The following KLB variants were observed in gnomAD, a reference collection of about 807,000 sequenced individuals.
The protein encoded by KLB is klotho beta.
A neutral mutation model predicts 88.4 loss-of-function variants in KLB; 44 were observed. The observed-to-expected ratio is 0.50, with a 90% CI of 0.39 to 0.64. The LOEUF is 0.64. KLB is among the 30% of genes least tolerant of loss of function. The pLI, the probability that KLB is intolerant of heterozygous loss-of-function variation, is 0.00. For missense variants in KLB, 1,137 were observed against 1,304.8 expected (o/e 0.87, Z 1.98); for synonymous variants, 548 against 513.4 (o/e 1.07, Z -0.91).
Position 39,450,535 on chromosome 4 carries a change from A to G in KLB, c.*1849A>G, listed in dbSNP as rs554780500. The stretch of plus-strand genomic sequence containing the variant: ...TGGCCTGGCAAATGGGAACAGTAAA[A>G]TTCTGCTTTACTCTTCTCTAGTCTC... On this transcript the variant is annotated 3_prime_UTR_variant, in exon 5 of 5. Transcript: ENST00000257408. 6.6e-6 allele frequency: 1 copy of G among 152,188 alleles called. No individual in the cohort carries two copies. Among genetic ancestry groups the G allele is most frequent in the Non-Finnish European group, 1.5e-5 (1 of 68,036 alleles). The allele number at this position is 152,188 out of a possible 1,614,324, so 9.4% of individuals were successfully genotyped here.
intron 2 of KLB, 147 bp downstream of exon 2, chr4:39,434,867 C>A: frequency 1.5e-6 from 1 of 664,808 alleles, no homozygotes; most frequent in Non-Finnish European, 2.5e-6. Flanking sequence ...AGTGCAGTGG[C>A]ACCATCTTGG....
intron 1 of KLB, among the ~76,000 whole-genome samples, chr4:39,430,421 A>AAAAAAAAAAAG (rs1578208334): frequency 1.3e-5 from 2 of 150,362 alleles, no homozygotes; most frequent in African/African-American, 2.4e-5. Context: ...AAAAAAAAAA[A>AAAAAAAAAAAG]GCGGTTCTCA....
intron 1 of KLB, among the ~76,000 whole-genome samples, chr4:39,410,813 G>C (rs1742822306): frequency 6.6e-6 from 1 of 152,114 alleles, no homozygotes; most frequent in Admixed American, 6.6e-5. Context: ...TAGAGAAAAG[G>C]TTTCATAGTG....
intron 1 of KLB, among the ~76,000 whole-genome samples, chr4:39,415,637 A>G (rs1333417135): frequency 6.6e-6 from 1 of 152,226 alleles, no homozygotes; most frequent in Non-Finnish European, 1.5e-5. Context: ...TGTTATTAGC[A>G]TTTAAAATAT....
Position 39,446,839 on chromosome 4 carries a change from G to T in KLB, c.2113G>T (p.Gly705Cys), listed in dbSNP as rs372177724. Residue 705 changes from glycine to cysteine, a missense_variant, in exon 4 of 5, where the codon GGC becomes TGC. Gly to Cys is a radical substitution (Grantham distance 159). This residue lies in a region of KLB where 597 missense variants were observed against 765.2 expected (regional missense o/e 0.78). Coordinates refer to ENST00000257408, the MANE Select transcript of KLB (RefSeq NM_175737.4). This position sits in a 1 kb window ranked among gnomAD's most constrained non-coding sequence, Gnocchi z 6.4. The stretch of plus-strand genomic sequence containing the variant: ...GCTAAGTGACATCTACAACCGCTCT[G>T]GCAACGACACCTACGGGGCGGCGCA... ...NRLSDIYNRS[G>C]NDTYGAAHNL... 2 of 1,612,476 alleles carry T rather than the reference G, an allele frequency of 1.2e-6. No homozygotes were observed. Among genetic ancestry groups the T allele is most frequent in the South Asian group, 1.1e-5 (1 of 91,030 alleles).
At chr4:39,427,482 CAAAAAAAAAAA>C (rs35351344) in intron 1 of KLB, among the ~76,000 whole-genome samples, 2 of 117,928 alleles carry the variant, frequency 1.7e-5, no homozygotes, top group African/African-American at 6.4e-5. Flanking sequence ...GACTCTGTCT[CAAAAAAAAAAA>C]AAAAAAAATC....
intron 1 of KLB, among the ~76,000 whole-genome samples, chr4:39,426,595 A>G (rs201484523): frequency 6.7e-6 from 1 of 148,450 alleles, no homozygotes; most frequent in South Asian, 2.2e-4. Context: ...TTTTAAAAAA[A>G]TAGTCACATA....
chr4:39,446,173 C>A lies in KLB; in HGVS notation c.1606-159C>A, dbSNP rs956072336. 6.6e-6 allele frequency among the ~76,000 whole-genome samples: 1 copy of A among 152,156 alleles called. No individual in the cohort carries two copies. The highest frequency in any genetic ancestry group is 2.4e-5 in the African/African-American group (1 of 41,416). On this transcript the variant is annotated intron_variant, in intron 3 of 4. Transcript: ENST00000257408. The surrounding 1 kb of genome is among the most constrained non-coding windows in gnomAD (Gnocchi z 6.4). ...TCCAAGCCAGGACCTGGGTGTGGCTCCTTCTCTGTTTTCTGGTCTCCTTGG... is the reference window on the plus strand; with the variant it reads ...TCCAAGCCAGGACCTGGGTGTGGCTACTTCTCTGTTTTCTGGTCTCCTTGG...
intron 1 of KLB, among the ~76,000 whole-genome samples, chr4:39,427,252 G>A (rs1440510965): frequency 6.6e-6 from 1 of 152,136 alleles, no homozygotes; most frequent in Non-Finnish European, 1.5e-5. Flanking sequence ...GGAGGCCAAG[G>A]CAGGCAGATT....
At chr4:39,429,304 A>G (rs1019919209) in intron 1 of KLB, among the ~76,000 whole-genome samples, 2 of 152,164 alleles carry the variant, frequency 1.3e-5, no homozygotes, top group Non-Finnish European at 2.9e-5. Flanking sequence ...TCTTCAACCC[A>G]TCTTTCCAAC....
At chr4:39,421,327 T>C (rs1366619331) in intron 1 of KLB, among the ~76,000 whole-genome samples, 1 of 152,222 alleles carries the variant, frequency 6.6e-6, no homozygotes, top group South Asian at 2.1e-4. Context: ...TATCTAAACA[T>C]GTTTTTGTTG....
In KLB at chr4:39,451,385, C is replaced by A. The variant is rs540099839; in HGVS notation, c.*2699C>A. 1 of 152,278 alleles carries A rather than the reference C, an allele frequency of 6.6e-6. No individual in the cohort carries two copies. Among genetic ancestry groups the A allele is most frequent in the African/African-American group, 2.4e-5 (1 of 41,560 alleles). The allele number at this position is 152,278 out of a possible 1,614,324, so 9.4% of individuals were successfully genotyped here. On this transcript the variant is annotated 3_prime_UTR_variant, in exon 5 of 5. Transcript: ENST00000257408. The stretch of plus-strand genomic sequence containing the variant: ...GTTGTGAAAAATCTAACGTGTTTAT[C>A]GTATATTCAATGTAACAACCTGGAG...
In KLB at chr4:39,446,227, C is replaced by T. The variant is rs1743742503; in HGVS notation, c.1606-105C>T. The T allele has an allele frequency of 7.2e-6, 7 of 974,558 alleles. No homozygotes were observed. The highest frequency in any genetic ancestry group is 1.1e-5 in the Non-Finnish European group (7 of 662,872). 60.4% of individuals were successfully genotyped at this position (974,558 alleles called of 1,614,324 possible). ...ATTTCAAGGGCTGGAATAGGCCTGG[C>T]GTGGTGGCCTGTAATCCCAGCACTT... On this transcript the variant is annotated intron_variant, in intron 3 of 4. Coordinates refer to ENST00000257408, the MANE Select transcript of KLB (RefSeq NM_175737.4). This position sits in a 1 kb window ranked among gnomAD's most constrained non-coding sequence, Gnocchi z 6.4.
intron 1 of KLB, among the ~76,000 whole-genome samples, chr4:39,431,363 T>A (rs1743356611): frequency 6.6e-6 from 1 of 152,208 alleles, no homozygotes; most frequent in Non-Finnish European, 1.5e-5. Context: ...GCGATTCTCC[T>A]GCCTCGGCCT....
Position 39,446,475 on chromosome 4 carries a change from A to C in KLB, c.1749A>C (p.Lys583Asn). The C allele has an allele frequency of 6.2e-7, 1 of 1,614,252 alleles. No homozygotes were observed. The highest frequency in any genetic ancestry group is 8.5e-7 in the Non-Finnish European group (1 of 1,180,038). ...AATGCACAGATTTTGTAAACATCAA[A>C]AAACAACTTGAGATGTTGGCAAGAA... Reference protein sequence around the residue: ...PAQCTDFVNIKKQLEMLARMK... With the variant: ...PAQCTDFVNINKQLEMLARMK... The change falls in exon 4 of 5, where the codon AAA becomes AAC. Residue 583 changes from lysine (K) to asparagine (N), a missense_variant. By Grantham distance (94) the Lys-to-Asn change is moderately conservative. This residue lies in a region of KLB where 597 missense variants were observed against 765.2 expected (regional missense o/e 0.78). Transcript: ENST00000257408. This position sits in a 1 kb window ranked among gnomAD's most constrained non-coding sequence, Gnocchi z 6.4.
At chr4:39,440,705 C>A (rs1169475516) in intron 3 of KLB, among the ~76,000 whole-genome samples, 2 of 152,086 alleles carry the variant, frequency 1.3e-5, no homozygotes, top group African/African-American at 2.4e-5. Context: ...TTACAGGCGC[C>A]TGCCACCCTG....
intron 1 of KLB, among the ~76,000 whole-genome samples, chr4:39,418,971 A>C (rs1223322919): frequency 6.6e-6 from 1 of 151,832 alleles, no homozygotes; most frequent in African/African-American, 2.4e-5. Context: ...AGAAAAAAGA[A>C]ATACTGACCA....
In KLB at chr4:39,407,637, G is replaced by A; in HGVS notation, c.688G>A (p.Gly230Arg). 6.2e-7 allele frequency: 1 copy of A among 1,613,972 alleles called. No individual in the cohort carries two copies. The highest frequency in any genetic ancestry group is 8.5e-7 in the Non-Finnish European group (1 of 1,179,912). ...DYATYCFQMF[G>R]DRVKYWITIH... ...TGCCACATACTGTTTCCAGATGTTTGGGGACCGTGTCAAATATTGGATTAC... is the reference window on the plus strand; with the variant it reads ...TGCCACATACTGTTTCCAGATGTTTAGGGACCGTGTCAAATATTGGATTAC... Residue 230 changes from glycine to arginine, a missense_variant, in exon 1 of 5, where the codon GGG becomes AGG. Transcript: ENST00000257408.
chr4:39,418,892 C>T (rs1254738989), intron 1 of KLB, among the ~76,000 whole-genome samples: 4 of 145,960 alleles, frequency 2.7e-5, no homozygotes, highest in Admixed American at 7.0e-5. Flanking sequence ...AGGTTGCAGT[C>T]AACTGAGATC....
Sources: gnomAD v4.1 joint callset for allele counts (sites outside exome capture counted in the v4.1 genomes callset) on GRCh38, gnomAD v4.1.1 for gene constraint, gnomAD v4.1.1 regional missense constraint, Gnocchi (gnomAD v3.1) non-coding constraint, MANE v1.5 for transcripts, NCBI Gene and HGNC (gene_info 2026-07-23, HGNC 2026-07-21) for gene names.